SLC2A13: variants seen among roughly 807,000 people sequenced by gnomAD.
SLC2A13 encodes the protein proton myo-inositol cotransporter.
Under a neutral mutation model 64.4 loss-of-function variants are expected in SLC2A13, and 32 were observed. The observed-to-expected ratio is 0.50, with a 90% CI of 0.37 to 0.67. The LOEUF is 0.67. Ranked by LOEUF, SLC2A13 falls within the 30% of genes least tolerant of loss-of-function variation. The pLI is 0.00. For synonymous variants in SLC2A13, 338 were observed against 327.1 expected, an observed-to-expected ratio of 1.03 and a Z score of -0.36; for missense variants, 743 against 829.2, an observed-to-expected ratio of 0.90 and a Z score of 1.28.
Position 40,048,528 on chromosome 12 carries a change from A to T in SLC2A13, c.557-318T>A, listed in dbSNP as rs17518099. On this transcript the variant is annotated intron_variant, in intron 1 of 9. Transcript: ENST00000280871. ...CTTGAGGACTAAAAATAGCAAAAAAAGTTCTCTAGATAGAATGATTACTGA... is the reference window on the plus strand; with the variant it reads ...CTTGAGGACTAAAAATAGCAAAAAATGTTCTCTAGATAGAATGATTACTGA... Among the ~76,000 whole-genome samples, 818 of 152,264 alleles carry T rather than the reference A, an allele frequency of 5.4e-3. 11 individuals carry two copies. The highest frequency in any genetic ancestry group is 0.018 in the African/African-American group (766 of 41,542).
At chr12:40,094,993 T>A (rs987015438) in intron 1 of SLC2A13, among the ~76,000 whole-genome samples, 8 of 152,176 alleles carry the variant, frequency 5.3e-5, no homozygotes, top group African/African-American at 1.9e-4. Context: ...GAGTGTGGAA[T>A]GGGAGCCCAT....
At chr12:40,085,479 A>AATTAGAGGACATCCAGCTGG (rs1938560290) in intron 1 of SLC2A13, among the ~76,000 whole-genome samples, 1 of 152,110 alleles carries the variant, frequency 6.6e-6, no homozygotes, top group Non-Finnish European at 1.5e-5. Flanking sequence ...GTGAGAACTG[A>AATTAGAGGACATCCAGCTGG]ATTAGAGGAC....
intron 3 of SLC2A13, among the ~76,000 whole-genome samples, chr12:39,963,286 CAA>C (rs71434304): frequency 1.8e-5 from 2 of 112,910 alleles, no homozygotes; most frequent in African/African-American, 3.6e-5. Context: ...GACTCCGTCT[CAA>C]AAAAAAAAAA....
intron 7 of SLC2A13, among the ~76,000 whole-genome samples, chr12:39,769,034 T>C (rs1566765634): frequency 6.6e-6 from 1 of 152,122 alleles, no homozygotes; most frequent in Non-Finnish European, 1.5e-5. Flanking sequence ...TGTGGCTTAT[T>C]AACTTCTTTC....
intron 4 of SLC2A13, among the ~76,000 whole-genome samples, chr12:39,902,510 T>C (rs970037559): frequency 5.9e-5 from 9 of 152,050 alleles, no homozygotes; most frequent in African/African-American, 2.2e-4. Flanking sequence ...ATATCTCTGA[T>C]ATACACCATG....
intron 4 of SLC2A13, among the ~76,000 whole-genome samples, chr12:39,933,715 A>G (rs1180328867): frequency 6.6e-6 from 1 of 152,202 alleles, no homozygotes; most frequent in Non-Finnish European, 1.5e-5. Context: ...AGAAATAGAT[A>G]TGAGGAGTAC....
At chr12:40,010,844 C>A (rs1947518695) in intron 3 of SLC2A13, among the ~76,000 whole-genome samples, 1 of 152,148 alleles carries the variant, frequency 6.6e-6, no homozygotes, top group Non-Finnish European at 1.5e-5. Context: ...GCCCAACAGA[C>A]CGCATCACAA....
intron 2 of SLC2A13, among the ~76,000 whole-genome samples, chr12:40,041,191 CA>C (rs1948083353): frequency 6.6e-6 from 1 of 152,112 alleles, no homozygotes; most frequent in African/African-American, 2.4e-5. Context: ...TTTCAATAAA[CA>C]AACCCAAATC....
rs1358102227 is a variant in SLC2A13 at position 39,943,064 on chromosome 12, G to A, written c.1034+8193C>T. ...GCTGGAGGTCCACTCCAGGCCATCT[G>A]CCTGTATCACCAGCGGAGACTGTGG... On this transcript the variant is annotated intron_variant, in intron 4 of 9. Coordinates refer to ENST00000280871, the MANE Select transcript of SLC2A13 (RefSeq NM_052885.4). Among the ~76,000 whole-genome samples, 12 of 152,270 alleles carry A rather than the reference G, an allele frequency of 7.9e-5. No homozygotes were observed. The East Asian group carries it at 2.3e-3, about 29-fold the overall frequency.
At chr12:40,018,473 C>T (rs1371915429) in intron 3 of SLC2A13, among the ~76,000 whole-genome samples, 6 of 152,142 alleles carry the variant, frequency 3.9e-5, no homozygotes, top group Admixed American at 2.0e-4. Context: ...GGATGAAATA[C>T]GATTTTTCCT....
chr12:40,092,947 G>A (rs181416829), intron 1 of SLC2A13, among the ~76,000 whole-genome samples: 1 of 152,228 alleles, frequency 6.6e-6, no homozygotes, highest in East Asian at 1.9e-4. Flanking sequence ...CCAGGAAAGA[G>A]AGGAGACATT....
chr12:39,899,709 T>A (rs1038702468), intron 4 of SLC2A13, among the ~76,000 whole-genome samples: 1 of 152,170 alleles, frequency 6.6e-6, no homozygotes, highest in Non-Finnish European at 1.5e-5. Context: ...TCAAAGAACA[T>A]CTTTATTTCT....
chr12:39,957,290 G>A (rs757774028), intron 3 of SLC2A13, among the ~76,000 whole-genome samples: 5 of 152,208 alleles, frequency 3.3e-5, no homozygotes, highest in African/African-American at 1.2e-4. Context: ...AACTTGGGCC[G>A]ACATCTTGTT....
intron 4 of SLC2A13, among the ~76,000 whole-genome samples, chr12:39,928,043 T>C (rs1945757919): frequency 6.6e-6 from 1 of 152,172 alleles, no homozygotes; most frequent in Admixed American, 6.6e-5. Context: ...ATTTCCGATA[T>C]TAAAGTCCTG....
intron 3 of SLC2A13, among the ~76,000 whole-genome samples, chr12:40,012,159 TTCTCA>T (rs562993275): frequency 3.3e-5 from 5 of 152,252 alleles, no homozygotes; most frequent in Admixed American, 6.5e-5. Flanking sequence ...GTGAATTAGT[TTCTCA>T]TCTCAACTTT....
At chr12:40,055,256 GAAAGAT>G (rs1948316938) in intron 1 of SLC2A13, among the ~76,000 whole-genome samples, 2 of 152,198 alleles carry the variant, frequency 1.3e-5, no homozygotes, top group Non-Finnish European at 2.9e-5. Context: ...CAGGTTATAA[GAAAGAT>G]TCTCTCTGTG....
intron 4 of SLC2A13, among the ~76,000 whole-genome samples, chr12:39,877,825 T>C (rs913531728): frequency 1.7e-4 from 26 of 152,364 alleles, no homozygotes; most frequent in Non-Finnish European, 3.4e-4. Flanking sequence ...CCATCTGATA[T>C]AATTTGGATA....
chr12:40,062,909 T>C (rs1382435772), intron 1 of SLC2A13, among the ~76,000 whole-genome samples: 5 of 152,108 alleles, frequency 3.3e-5, no homozygotes, highest in Non-Finnish European at 7.4e-5. Flanking sequence ...TTAAGTGACA[T>C]TGACCAAAAA....
intron 3 of SLC2A13, among the ~76,000 whole-genome samples, chr12:39,971,264 A>G (rs1263525919): frequency 6.6e-6 from 1 of 152,236 alleles, no homozygotes; most frequent in Non-Finnish European, 1.5e-5. Flanking sequence ...TCATTGAATC[A>G]TTCGTAATTA....
Sources: gnomAD v4.1 joint callset for allele counts (sites outside exome capture counted in the v4.1 genomes callset) on GRCh38, gnomAD v4.1.1 for gene constraint, MANE v1.5 for transcripts, NCBI Gene and HGNC (gene_info 2026-07-23, HGNC 2026-07-21) for gene names.